The following CDH18 variants were observed in gnomAD, a reference collection of about 807,000 sequenced individuals.
CDH18 encodes cadherin 18, also known as cadherin-18.
In CDH18, 31 loss-of-function variants were observed where a neutral mutation model predicts 67.9. That is an observed-to-expected ratio of 0.46 (90% CI 0.34 to 0.62). CDH18 has a LOEUF of 0.62. CDH18 is among the 20% of genes least tolerant of loss of function. The pLI, the probability that CDH18 is intolerant of heterozygous loss-of-function variation, is 0.01. For synonymous variants in CDH18, 362 were observed against 347.2 expected (o/e 1.04, Z -0.48); for missense variants, 890 against 975.5 (o/e 0.91, Z 1.17).
intron 5 of CDH18, among the ~76,000 whole-genome samples, chr5:19,615,646 A>G (rs1250518697): frequency 2.0e-5 from 3 of 152,134 alleles, no homozygotes; most frequent in Non-Finnish European, 4.4e-5. Context: ...ACTACTTCAT[A>G]GTATCAAAAA....
chr5:19,916,370 C>T (rs754319993), intron 2 of CDH18, among the ~76,000 whole-genome samples: 1 of 152,140 alleles, frequency 6.6e-6, no homozygotes, highest in Admixed American at 6.6e-5. Flanking sequence ...GGATTACGCC[C>T]TCTTCTCATC....
intron 5 of CDH18, among the ~76,000 whole-genome samples, chr5:19,719,750 C>CAA (rs901503087): frequency 2.6e-5 from 4 of 151,782 alleles, no homozygotes; most frequent in African/African-American, 9.6e-5. Context: ...ATCTATTCTA[C>CAA]AATTATAATG....
intron 2 of CDH18, among the ~76,000 whole-genome samples, chr5:20,093,069 G>C (rs1409898136): frequency 1.3e-5 from 2 of 151,912 alleles, no homozygotes; most frequent in Non-Finnish European, 2.9e-5. Context: ...GAGTTCAGTG[G>C]TATTGAAAAT....
At chr5:20,456,821 T>C (rs578035919) in intron 1 of CDH18, among the ~76,000 whole-genome samples, 1 of 152,258 alleles carries the variant, frequency 6.6e-6, no homozygotes, top group African/African-American at 2.4e-5. Flanking sequence ...GCTGCCTAGA[T>C]TTTTTGTAGT....
chr5:20,160,270 A>G (rs1751873488), intron 2 of CDH18, among the ~76,000 whole-genome samples: 1 of 152,238 alleles, frequency 6.6e-6, no homozygotes, highest in African/African-American at 2.4e-5. Context: ...GGCCACTGCC[A>G]ATGATATAGC....
intron 2 of CDH18, among the ~76,000 whole-genome samples, chr5:20,008,736 A>G (rs1452083679): frequency 6.6e-6 from 1 of 152,168 alleles, no homozygotes; most frequent in Non-Finnish European, 1.5e-5. Flanking sequence ...TGCCCGGCCT[A>G]TGCTCAAATG....
Position 19,520,699 on chromosome 5 carries a change from C to T in CDH18, c.1470G>A (p.Arg490=), listed in dbSNP as rs1746758460. ...TTTCACATACAATAATATCATATTC[C>T]CTGGCAAGTTCGGGTGGATTGTCAT... The part of the protein sequence containing the change: ...DVNDNPPELA[R]EYDIIVCENS... Residue 490 remains arginine (R), a synonymous_variant, in exon 10 of 13, where the codon AGG becomes AGA. Coordinates refer to ENST00000382275, the MANE Select transcript of CDH18 (RefSeq NM_004934.5). 1 of 1,613,252 alleles carries T rather than the reference C, an allele frequency of 6.2e-7. No homozygotes were observed. The highest frequency in any genetic ancestry group is 8.5e-7 in the Non-Finnish European group (1 of 1,179,578).
At chr5:20,420,786 T>A (rs1178076494) in intron 1 of CDH18, among the ~76,000 whole-genome samples, 5 of 151,300 alleles carry the variant, frequency 3.3e-5, no homozygotes, top group African/African-American at 1.2e-4. Flanking sequence ...CTCTTTCGAA[T>A]GCAGTTATCT....
At chr5:20,541,904 C>A (rs1319612720) in intron 1 of CDH18, among the ~76,000 whole-genome samples, 2 of 152,118 alleles carry the variant, frequency 1.3e-5, no homozygotes, top group Non-Finnish European at 2.9e-5. Flanking sequence ...AGCTTTACAT[C>A]CCTGACGAGG....
At chr5:19,886,798 G>A (rs1195411237) in intron 2 of CDH18, among the ~76,000 whole-genome samples, 1 of 152,080 alleles carries the variant, frequency 6.6e-6, no homozygotes, top group African/African-American at 2.4e-5. Context: ...TTTCAACAAA[G>A]GTAACCTACC....
intron 2 of CDH18, among the ~76,000 whole-genome samples, chr5:20,062,776 T>C (rs1200254668): frequency 6.6e-6 from 1 of 152,138 alleles, no homozygotes; most frequent in African/African-American, 2.4e-5. Flanking sequence ...ACATCAAAAA[T>C]TATTTTAAAT....
chr5:19,524,830 C>G (rs555518771), intron 9 of CDH18, among the ~76,000 whole-genome samples: 1 of 152,242 alleles, frequency 6.6e-6, no homozygotes, highest in African/African-American at 2.4e-5. Context: ...ACTACAAGCT[C>G]CGCCTCCCGG....
chr5:19,792,851 A>G (rs559121674), intron 3 of CDH18, among the ~76,000 whole-genome samples: 55 of 152,286 alleles, frequency 3.6e-4, no homozygotes, highest in African/African-American at 1.3e-3. Flanking sequence ...TAAACTAGCT[A>G]TGGTAGAACT....
chr5:20,165,520 A>G (rs1483946323), intron 2 of CDH18, among the ~76,000 whole-genome samples: 1 of 152,102 alleles, frequency 6.6e-6, no homozygotes, highest in East Asian at 1.9e-4. Flanking sequence ...CTTTGAAATA[A>G]AAGTTTATTT....
intron 8 of CDH18, among the ~76,000 whole-genome samples, chr5:19,545,278 A>T (rs1012312793): frequency 3.3e-5 from 5 of 152,218 alleles, no homozygotes; most frequent in African/African-American, 1.2e-4. Flanking sequence ...AAAGATCGAA[A>T]TTAAAGAAAC....
chr5:20,369,258 G>A (rs1742778332), intron 1 of CDH18, among the ~76,000 whole-genome samples: 1 of 151,736 alleles, frequency 6.6e-6, no homozygotes, highest in African/African-American at 2.4e-5. Flanking sequence ...TGTTTTAGCT[G>A]TTATACACAG....
chr5:19,473,792 TC>T, intron 12 of CDH18, 76 bp from the exon 13 acceptor site: 1 of 1,206,784 alleles, frequency 8.3e-7, no homozygotes, highest in Non-Finnish European at 1.2e-6. Context: ...AACAGCAATT[TC>T]CCATTTTCCC....
intron 2 of CDH18, among the ~76,000 whole-genome samples, chr5:20,089,016 G>T (rs1745207428): frequency 6.6e-6 from 1 of 151,974 alleles, no homozygotes; most frequent in Admixed American, 6.6e-5. Flanking sequence ...GGTATGTATT[G>T]CTGTTTTTTC....
intron 2 of CDH18, among the ~76,000 whole-genome samples, chr5:20,227,143 T>C (rs1222586993): frequency 1.3e-5 from 2 of 152,098 alleles, no homozygotes; most frequent in Non-Finnish European, 2.9e-5. Flanking sequence ...TATTTTTCCC[T>C]TTCCTTTCTT....
Sources: gnomAD v4.1 joint callset for allele counts (sites outside exome capture counted in the v4.1 genomes callset) on GRCh38, gnomAD v4.1.1 for gene constraint, MANE v1.5 for transcripts, NCBI Gene and HGNC (gene_info 2026-07-23, HGNC 2026-07-21) for gene names.